The following AHNAK2 variants were observed in gnomAD, a reference collection of about 807,000 sequenced individuals.
AHNAK2 encodes the protein protein AHNAK2.
AHNAK2 carries 18 observed loss-of-function variants against 30.7 expected under a neutral mutation model. The ratio of observed to expected loss-of-function variants is 0.59; its 90% confidence interval spans 0.41 to 0.87. The LOEUF is 0.87. Among genes scored for constraint, AHNAK2 ranks in the 40% least tolerant of loss-of-function variants. The probability of loss-of-function intolerance (pLI) is 0.00; values close to 1 mark genes in which losing one functional copy is unlikely to be tolerated. For missense variants in AHNAK2, 8,604 were observed against 7,373.0 expected (o/e 1.17, Z -6.11); for synonymous variants, 3,590 against 3,073.8 (o/e 1.17, Z -5.56).
At position 104,950,814 on chromosome 14, in the gene AHNAK2, G is replaced by T. The variant is rs376784230; in HGVS notation, c.4637C>A (p.Pro1546His). The T allele has an allele frequency of 2.5e-6, 4 of 1,585,448 alleles. No homozygotes were observed. The highest frequency in any genetic ancestry group is 2.2e-5 in the South Asian group (2 of 89,642). Residue 1546 changes from proline to histidine, a missense_variant, in exon 7 of 7, where the codon CCT becomes CAT. Transcript: ENST00000333244. ...AGCCTGGACCTCCAGGTCAGCAGAA[G>T]GGGGCTGTATGCTCAGGTCAGTGGC... is the stretch of plus-strand genomic sequence containing the variant. ...LKATDLSIQP[P>H]SADLEVQAGQ...
chr14:104,953,403 G>C lies in AHNAK2; in HGVS notation c.2048C>G (p.Pro683Arg), dbSNP rs183966648. The change falls in exon 7 of 7, where the codon CCA (proline) becomes CGA (arginine). Residue 683 changes from proline to arginine, a missense_variant. Pro to Arg is a moderately radical substitution (Grantham distance 103, BLOSUM62 -2). Coordinates refer to ENST00000333244, the MANE Select transcript of AHNAK2 (RefSeq NM_138420.4). ...SKFKMPKFKM[P>R]LFGASAPGKS... ...GCCTGGGGCTGACGCCCCGAACAAT[G>C]GCATCTTGAACTTGGGCATTTTGAA... is the stretch of plus-strand genomic sequence containing the variant. The C allele has an allele frequency of 6.2e-7, 1 of 1,613,972 alleles. No homozygotes were observed. Among genetic ancestry groups the C allele is most frequent in the Admixed American group, 1.7e-5 (1 of 60,026 alleles).
In AHNAK2 at chr14:104,950,963, G is replaced by A; in HGVS notation, c.4488C>T (p.Pro1496=). The A allele has an allele frequency of 6.8e-7, 1 of 1,467,482 alleles. No individual in the cohort carries two copies. The highest frequency in any genetic ancestry group is 9.3e-7 in the Non-Finnish European group (1 of 1,074,272). The allele number at this position is 1,467,482 out of a possible 1,614,324, so 90.9% of individuals were successfully genotyped here. A position where few individuals can be genotyped will look rare whatever the true frequency, so the allele number is the denominator to read the frequency against. ...CCCCGAACGACGGCATCTTGAACTT[G>A]GGCATTTTGAACTTGCTGTCTTTGG... The part of the protein sequence containing the change: ...LTTKDSKFKM[P]KFKMPSFGVS... The change falls in exon 7 of 7, where the codon CCC becomes CCT. Residue 1496 remains proline (P), a synonymous_variant. Coordinates refer to ENST00000333244, the MANE Select transcript of AHNAK2 (RefSeq NM_138420.4).
chr14:104,961,342 G>T (rs554350034), intron 1 of AHNAK2, among the ~76,000 whole-genome samples: 2 of 151,532 alleles, frequency 1.3e-5, no homozygotes. Flanking sequence ...GTGAAACCCC[G>T]TCTCTACTAA....
intron 1 of AHNAK2, among the ~76,000 whole-genome samples, chr14:104,963,822 T>G (rs1262171891): frequency 4.5e-5 from 6 of 132,574 alleles, no homozygotes; most frequent in African/African-American, 1.8e-4. Flanking sequence ...ACAGCGAGAC[T>G]CCGTCTAAAA....
chr14:104,974,393 G>A (rs972691536), intron 1 of AHNAK2, among the ~76,000 whole-genome samples: 1 of 152,206 alleles, frequency 6.6e-6, no homozygotes, highest in African/African-American at 2.4e-5. Context: ...AGCAGCTGAC[G>A]CTGCCACCTC....
chr14:104,943,798 G>T lies in AHNAK2; in HGVS notation c.11653C>A (p.His3885Asn). 6.2e-7 allele frequency: 1 copy of T among 1,613,276 alleles called. No individual in the cohort carries two copies. Among genetic ancestry groups the T allele is most frequent in the Non-Finnish European group, 8.5e-7 (1 of 1,179,620 alleles). Residue 3885 changes from histidine (H) to asparagine (N), a missense_variant, in exon 7 of 7, where the codon CAC (histidine) becomes AAC (asparagine). Transcript: ENST00000333244. ...CTGGGCATCTGCACCTTGGGCAGGT[G>T]TCCTTTGAGGCCGGCTTCCTCGGGC... The part of the protein sequence containing the change: ...HVPEEAGLKG[H>N]LPKVQMPSFK...
At position 104,947,738 on chromosome 14, in the gene AHNAK2, C is replaced by T; in HGVS notation, c.7713G>A (p.Met2571Ile). The change falls in exon 7 of 7, where the codon ATG becomes ATA. Residue 2571 changes from methionine to isoleucine, a missense_variant. Coordinates refer to ENST00000333244, the MANE Select transcript of AHNAK2 (RefSeq NM_138420.4). ...CCATTTCAGGCATCTTGAAACTGGG[C>T]ATCTGCACCTTGGGCAGGTGCCCTT... ...GLKGHLPKVQ[M>I]PSFKMPEMDL... 3 of 1,612,726 alleles carry T rather than the reference C, an allele frequency of 1.9e-6. No homozygotes were observed. The highest frequency in any genetic ancestry group is 1.7e-6 in the Non-Finnish European group (2 of 1,179,594).
In AHNAK2 at chr14:104,941,015, A is replaced by G. The variant is rs1387288330; in HGVS notation, c.14436T>C (p.Ile4812=). Residue 4812 remains isoleucine (I), a synonymous_variant, in exon 7 of 7, where the codon ATT becomes ATC. Coordinates refer to ENST00000333244, the MANE Select transcript of AHNAK2 (RefSeq NM_138420.4). ...AALAPELALE[I]PSGSQADIPL... ...GAATATCAGCCTGAGACCCAGAAGG[A>G]ATTTCCAGAGCAAGCTCAGGGGCCA... 5 of 1,613,514 alleles carry G rather than the reference A, an allele frequency of 3.1e-6. No homozygotes were observed. The highest frequency in any genetic ancestry group is 4.2e-6 in the Non-Finnish European group (5 of 1,179,902).
rs573266134 is a variant in AHNAK2, at chr14:104,973,887, C to T, written c.55+4296G>A. ...AGCTGGCAGGGCAGGGACCCGCAGCCGGAGGGGAGGGGAGGGCGGTGGCTG... is the reference window on the plus strand; with the variant it reads ...AGCTGGCAGGGCAGGGACCCGCAGCTGGAGGGGAGGGGAGGGCGGTGGCTG... On this transcript the variant is annotated intron_variant, in intron 1 of 6. Transcript: ENST00000333244. Among the ~76,000 whole-genome samples the T allele has an allele frequency of 4.2e-3, 642 of 152,292 alleles. 3 individuals carry two copies. The highest frequency in any genetic ancestry group is 0.015 in the African/African-American group (617 of 41,550).
rs80245452 is a variant in AHNAK2 at position 104,938,197 on chromosome 14, C to G, written c.17254G>C (p.Gly5752Arg). 6.2e-7 allele frequency: 1 copy of G among 1,613,894 alleles called. No homozygotes were observed. Residue 5752 changes from glycine to arginine, a missense_variant, in exon 7 of 7, where the codon GGG becomes CGG. Gly to Arg is a moderately radical substitution (Grantham distance 125, BLOSUM62 -2). Coordinates refer to ENST00000333244, the MANE Select transcript of AHNAK2 (RefSeq NM_138420.4). ...GAGTCCAGCCCAGTGCCCACAGGCC[C>G]GATCAGTTCACCCTCTTCCTTCTCT... ...PEEKEEGELI[G>R]PVGTGLDSRV...
rs747664419 is a variant in AHNAK2, at chr14:104,942,395, G to A, written c.13056C>T (p.Ser4352=). ...KTTHLSIQPP[S]ADLEVQAGQE... is the part of the protein sequence containing the mutation. ...GGCCAGCCTGGACCTCCAGATCAGCGGAAGGGGGCTGAATGCTGAGGTGAG... is the reference window on the plus strand; with the variant it reads ...GGCCAGCCTGGACCTCCAGATCAGCAGAAGGGGGCTGAATGCTGAGGTGAG... The change falls in exon 7 of 7, where the codon TCC becomes TCT. Residue 4352 remains serine, a synonymous_variant. Transcript: ENST00000333244. The A allele has an allele frequency of 1.4e-5, 22 of 1,612,932 alleles. No individual in the cohort carries two copies. The highest frequency in any genetic ancestry group is 3.3e-5 in the Admixed American group (2 of 59,942).
chr14:104,945,566 G>A lies in AHNAK2; in HGVS notation c.9885C>T (p.Ser3295=), dbSNP rs1411601769. 6.2e-7 allele frequency: 1 copy of A among 1,610,298 alleles called. No homozygotes were observed. Among genetic ancestry groups the A allele is most frequent in the Admixed American group, 1.7e-5 (1 of 59,620 alleles). Reference sequence around the variant, plus strand: ...TGGCAGTCACATCCTTGTCGGCCAGGGACAGGTCCCCCTCCAGCCGTGCAC... The same window carrying A: ...TGGCAGTCACATCCTTGTCGGCCAGAGACAGGTCCCCCTCCAGCCGTGCAC... ...LDGARLEGDL[S]LADKDVTAKD... is the part of the protein sequence containing the mutation. Residue 3295 remains serine (S), a synonymous_variant, in exon 7 of 7, where the codon TCC becomes TCT. Coordinates refer to ENST00000333244, the MANE Select transcript of AHNAK2 (RefSeq NM_138420.4).
chr14:104,977,824 G>A (rs979039498), intron 1 of AHNAK2, among the ~76,000 whole-genome samples: 3 of 152,226 alleles, frequency 2.0e-5, no homozygotes, highest in African/African-American at 4.8e-5. Context: ...CTCTCGACCA[G>A]ACAGCGTCCC....
intron 1 of AHNAK2, among the ~76,000 whole-genome samples, chr14:104,972,428 G>GC (rs112194348): frequency 0.018 from 2,752 of 152,306 alleles, 80 homozygotes; most frequent in African/African-American, 0.063. Flanking sequence ...CAGAGGCCCA[G>GC]CCTGCTGGAG....
rs565630141 is a variant in AHNAK2 at position 104,959,655 on chromosome 14, T to A, written c.56-1983A>T. ...CTCAAAAAAATAAAAATTTAAATTTTAAAAAAAGGAAAAATAAAGGCATTC... is the reference window on the plus strand; with the variant it reads ...CTCAAAAAAATAAAAATTTAAATTTAAAAAAAAGGAAAAATAAAGGCATTC... On this transcript the variant is annotated intron_variant, in intron 1 of 6. Transcript: ENST00000333244. Among the ~76,000 whole-genome samples, 24 of 152,166 alleles carry A rather than the reference T, an allele frequency of 1.6e-4. No homozygotes were observed. The East Asian group carries it at 3.9e-3, about 24-fold the overall frequency.
chr14:104,956,997 G>C (rs1335417608), intron 3 of AHNAK2, among the ~76,000 whole-genome samples: 2 of 152,206 alleles, frequency 1.3e-5, no homozygotes, highest in African/African-American at 4.8e-5. Context: ...AATTCAAATT[G>C]TACAAAAATG....
In AHNAK2 at chr14:104,941,675, G is replaced by A. The variant is rs764042920; in HGVS notation, c.13776C>T (p.Pro4592=). Residue 4592 remains proline (P), a synonymous_variant, in exon 7 of 7, where the codon CCC becomes CCT. Transcript: ENST00000333244. ...GGGCCTGGACATCCGTCTCCACGCT[G>A]GGCAGAGACACCTCCACATCGGGGG... ...VMAPDVEVSL[P]SVETDVQAPG... The A allele has an allele frequency of 2.5e-6, 4 of 1,613,626 alleles. No homozygotes were observed. Among genetic ancestry groups the A allele is most frequent in the South Asian group, 1.1e-5 (1 of 91,068 alleles).
rs1326066267 is a variant in AHNAK2, at chr14:104,945,603, G to C, written c.9848C>G (p.Ala3283Gly). The C allele has an allele frequency of 1.2e-6, 2 of 1,601,638 alleles. No individual in the cohort carries two copies. The highest frequency in any genetic ancestry group is 2.7e-5 in the African/African-American group (2 of 73,536). ...SMEVDVEAPG[A>G]KLDGARLEGD... The stretch of plus-strand genomic sequence containing the variant: ...CTCCAGCCGTGCACCATCCAACTTG[G>C]CTCCTGGGGCCTCGACGTCCACCTC... Residue 3283 changes from alanine (A) to glycine (G), a missense_variant, in exon 7 of 7, where the codon GCC becomes GGC. Transcript: ENST00000333244.
rs780178224 is a variant in AHNAK2 at position 104,954,964 on chromosome 14, T to C, written c.644A>G (p.Glu215Gly). 4 of 1,612,218 alleles carry C rather than the reference T, an allele frequency of 2.5e-6. No individual in the cohort carries two copies. Among genetic ancestry groups the C allele is most frequent in the East Asian group, 2.2e-5 (1 of 44,878 alleles). ...SDAQHGPQGK[E>G]KEDTDVADGC... ...CGGGCATAGTGGTCTCACCTCCTTC[T>C]CCTTGCCCTGTGGGCCGTGCTGGGC... Residue 215 changes from glutamate to glycine, a missense_variant, in exon 6 of 7, where the codon GAG becomes GGG. Glu to Gly is a moderately conservative substitution (Grantham distance 98, BLOSUM62 -2). Coordinates refer to ENST00000333244, the MANE Select transcript of AHNAK2 (RefSeq NM_138420.4). The surrounding 1 kb of genome is among the most constrained non-coding windows in gnomAD (Gnocchi z 4.3).
Sources: gnomAD v4.1 joint callset for allele counts (sites outside exome capture counted in the v4.1 genomes callset) on GRCh38, gnomAD v4.1.1 for gene constraint, Gnocchi (gnomAD v3.1) non-coding constraint, MANE v1.5 for transcripts, NCBI Gene and HGNC (gene_info 2026-07-23, HGNC 2026-07-21) for gene names.